ANGPT1: variants seen among roughly 807,000 people sequenced by gnomAD.
The protein encoded by ANGPT1 is angiopoietin 1, also known as angiopoietin-1.
ANGPT1 carries 17 observed loss-of-function variants against 62.2 expected under a neutral mutation model. The ratio of observed to expected loss-of-function variants is 0.27; its 90% confidence interval spans 0.19 to 0.41. The LOEUF is 0.41. Among genes scored for constraint, ANGPT1 ranks in the 10% least tolerant of loss-of-function variants. ANGPT1 has a pLI of 1.00. For synonymous variants in ANGPT1, 199 were observed against 198.9 expected (o/e 1.00, Z 0.00); for missense variants, 478 against 594.9 (o/e 0.80, Z 2.04).
chr8:107,447,011 G>A (rs1026054025), intron 1 of ANGPT1, among the ~76,000 whole-genome samples: 2 of 152,174 alleles, frequency 1.3e-5, no homozygotes, highest in African/African-American at 2.4e-5. Context: ...CCAGATTGAA[G>A]ACTCCTTTTT....
At chr8:107,255,285 T>TTTA (rs1046244661) in intron 8 of ANGPT1, among the ~76,000 whole-genome samples, 5 of 152,128 alleles carry the variant, frequency 3.3e-5, no homozygotes, top group African/African-American at 1.2e-4. Flanking sequence ...CAGAAAGAGC[T>TTTA]TCTATATAGT....
At chr8:107,252,765 T>C (rs747460202) in intron 8 of ANGPT1, among the ~76,000 whole-genome samples, 1 of 152,228 alleles carries the variant, frequency 6.6e-6, no homozygotes, top group East Asian at 1.9e-4. Context: ...TCTATAAGGA[T>C]AACTGGATAA....
chr8:107,330,925 T>C (rs953205302), intron 3 of ANGPT1, among the ~76,000 whole-genome samples: 11 of 152,242 alleles, frequency 7.2e-5, no homozygotes, highest in African/African-American at 2.6e-4. Flanking sequence ...TTTTAAAAAT[T>C]AACAGGGAAA....
chr8:107,393,627 T>C (rs895598749), intron 1 of ANGPT1, among the ~76,000 whole-genome samples: 2 of 151,994 alleles, frequency 1.3e-5, no homozygotes, highest in African/African-American at 2.4e-5. Flanking sequence ...CTGACCAGTG[T>C]GGTGAAACCC....
chr8:107,480,294 G>A (rs1360965679), intron 1 of ANGPT1, among the ~76,000 whole-genome samples: 1 of 152,142 alleles, frequency 6.6e-6, no homozygotes, highest in African/African-American at 2.4e-5. Flanking sequence ...TATCTGAACA[G>A]GATCTAGTTT....
In ANGPT1 at chr8:107,250,214, C is replaced by T. The variant is rs769502225; in HGVS notation, c.*1641G>A. The T allele has an allele frequency of 7.9e-5, 12 of 152,158 alleles. No individual in the cohort carries two copies. The highest frequency in any genetic ancestry group is 1.6e-4 in the Non-Finnish European group (11 of 68,004). The allele number at this position is 152,158 out of a possible 1,614,324, so 9.4% of individuals were successfully genotyped here. A position where few individuals can be genotyped will look rare whatever the true frequency, so the allele number is the denominator to read the frequency against. ...CCCAGTAGCTTTATTTCAATTTTCT[C>T]ATCCCATAGTGACTCATGTTTTAAT... On this transcript the variant is annotated 3_prime_UTR_variant, in exon 9 of 9. Coordinates refer to ENST00000517746, the MANE Select transcript of ANGPT1 (RefSeq NM_001146.5).
intron 1 of ANGPT1, among the ~76,000 whole-genome samples, chr8:107,419,437 C>G (rs1810840311): frequency 6.6e-6 from 1 of 152,116 alleles, no homozygotes; most frequent in African/African-American, 2.4e-5. Context: ...CTAGGTCCCC[C>G]CAGTTTGTTA....
chr8:107,394,443 T>C (rs2130311422), intron 1 of ANGPT1, among the ~76,000 whole-genome samples: 1 of 152,298 alleles, frequency 6.6e-6, no homozygotes, highest in East Asian at 1.9e-4. Flanking sequence ...TTCAGCACAG[T>C]GATCTATTGA....
intron 7 of ANGPT1, among the ~76,000 whole-genome samples, chr8:107,266,280 G>A (rs1813612338): frequency 6.6e-6 from 1 of 152,154 alleles, no homozygotes; most frequent in Admixed American, 6.5e-5. Context: ...TCCAGAGCTG[G>A]TGAGAACTTT....
intron 4 of ANGPT1, among the ~76,000 whole-genome samples, chr8:107,318,735 G>T (rs1339125588): frequency 1.3e-5 from 2 of 151,268 alleles, no homozygotes; most frequent in Non-Finnish European, 2.9e-5. Context: ...TATATTTTTG[G>T]AGTAAAACGT....
intron 1 of ANGPT1, among the ~76,000 whole-genome samples, chr8:107,463,602 C>A (rs1382159550): frequency 6.6e-6 from 1 of 151,954 alleles, no homozygotes; most frequent in Admixed American, 6.6e-5. Context: ...TGTCATTGTG[C>A]CATTATCTTT....
chr8:107,310,157 A>G (rs1814814906), intron 4 of ANGPT1, among the ~76,000 whole-genome samples: 1 of 152,164 alleles, frequency 6.6e-6, no homozygotes, highest in African/African-American at 2.4e-5. Context: ...TCATAATAAA[A>G]TCAACTAGCA....
At chr8:107,442,893 A>T (rs185076837) in intron 1 of ANGPT1, among the ~76,000 whole-genome samples, 1 of 152,328 alleles carries the variant, frequency 6.6e-6, no homozygotes, top group East Asian at 1.9e-4. Flanking sequence ...AATAAGAAAC[A>T]TCCCTTCAGC....
chr8:107,400,654 G>C (rs542274002), intron 1 of ANGPT1, among the ~76,000 whole-genome samples: 1 of 151,348 alleles, frequency 6.6e-6, no homozygotes, highest in South Asian at 2.1e-4. Flanking sequence ...CCACCTCCCA[G>C]GTTCATGCAA....
At chr8:107,378,306 A>G (rs1367953890) in intron 1 of ANGPT1, among the ~76,000 whole-genome samples, 1 of 152,182 alleles carries the variant, frequency 6.6e-6, no homozygotes, top group Non-Finnish European at 1.5e-5. Flanking sequence ...ACATTTTTCA[A>G]AAAAGAAGCA....
chr8:107,304,741 T>C (rs985857683), intron 4 of ANGPT1, among the ~76,000 whole-genome samples: 1 of 151,922 alleles, frequency 6.6e-6, no homozygotes, highest in Non-Finnish European at 1.5e-5. Context: ...ATGTCAGATA[T>C]GTTGCCACAG....
At chr8:107,293,236 ATG>A (rs1491508243) in intron 6 of ANGPT1, among the ~76,000 whole-genome samples, 1 of 141,368 alleles carries the variant, frequency 7.1e-6, no homozygotes, top group African/African-American at 2.7e-5. Context: ...GATGATGATG[ATG>A]CCTGCTGTTA....
intron 1 of ANGPT1, among the ~76,000 whole-genome samples, chr8:107,365,621 T>G (rs1276701818): frequency 6.6e-6 from 1 of 152,096 alleles, no homozygotes; most frequent in Non-Finnish European, 1.5e-5. Flanking sequence ...AGCATTGGGA[T>G]TTCGTCTTTC....
chr8:107,385,725 G>T (rs1816719523), intron 1 of ANGPT1, among the ~76,000 whole-genome samples: 1 of 152,030 alleles, frequency 6.6e-6, no homozygotes, highest in Admixed American at 6.6e-5. Flanking sequence ...CATGGGGAAT[G>T]CTTCCAGCTT....
Sources: gnomAD v4.1 joint callset for allele counts (sites outside exome capture counted in the v4.1 genomes callset) on GRCh38, gnomAD v4.1.1 for gene constraint, MANE v1.5 for transcripts, NCBI Gene and HGNC (gene_info 2026-07-23, HGNC 2026-07-21) for gene names.